LRSAM1: variants seen among roughly 807,000 people sequenced by gnomAD.
LRSAM1 encodes E3 ubiquitin-protein ligase LRSAM1.
LRSAM1 carries 96 observed loss-of-function variants against 118.1 expected under a neutral mutation model. The ratio of observed to expected loss-of-function variants is 0.81; its 90% confidence interval spans 0.69 to 0.96. The LOEUF (loss-of-function observed/expected upper bound fraction) is 0.96, where lower values mean the gene tolerates loss of function less well. Ranked by LOEUF, LRSAM1 falls within the 40% of genes least tolerant of loss-of-function variation. The probability of loss-of-function intolerance (pLI) is 0.00; values close to 1 mark genes in which losing one functional copy is unlikely to be tolerated. For missense variants in LRSAM1, 804 were observed against 915.5 expected, an observed-to-expected ratio of 0.88 and a Z score of 1.57; for synonymous variants, 322 against 364.2, an observed-to-expected ratio of 0.88 and a Z score of 1.32.
intron 12 of LRSAM1, 106 bp downstream of exon 12, chr9:127,479,069 G>A (rs1030048436): frequency 7.8e-7 from 1 of 1,281,352 alleles, no homozygotes; most frequent in Non-Finnish European, 1.1e-6. Flanking sequence ...AGAATTAGAG[G>A]TCACAGTAAT....
intron 10 of LRSAM1, among the ~76,000 whole-genome samples, chr9:127,470,650 T>C (rs1588111441): frequency 6.6e-6 from 1 of 152,198 alleles, no homozygotes; most frequent in East Asian, 1.9e-4. Flanking sequence ...CTAAACTGTT[T>C]TATACTCAAT....
intron 2 of LRSAM1, chr9:127,453,938 G>A (rs977392906): frequency 4.3e-5 from 7 of 164,146 alleles, no homozygotes; most frequent in Non-Finnish European, 9.1e-5. Context: ...GGAACTCCAT[G>A]AAACTAGGAA....
In LRSAM1 at chr9:127,471,472, TAAAA is replaced by T. The variant is rs71380064; in HGVS notation, c.620-2307_620-2304del. Among the ~76,000 whole-genome samples, 72 of 68,040 alleles carry T rather than the reference TAAAA, an allele frequency of 1.1e-3. 1 individual carries two copies. Among genetic ancestry groups the T allele is most frequent in the African/African-American group, 4.1e-3 (70 of 17,020 alleles). The allele number at this position is 68,040 out of a possible 152,430, so 44.6% of individuals were successfully genotyped here. On this transcript the variant is annotated intron_variant, in intron 10 of 25. Transcript: ENST00000300417. ...GGTGACAGAGAGAGACCTTATGTTA[TAAAA>T]AAAAAAAAAAAAAAAAAAAAAGATT...
intron 11 of LRSAM1, among the ~76,000 whole-genome samples, chr9:127,476,020 G>A (rs370239731): frequency 1.3e-5 from 2 of 152,234 alleles, no homozygotes; most frequent in African/African-American, 4.8e-5. Flanking sequence ...GATTACAGGT[G>A]TGAGCCACCA....
At chr9:127,454,877 G>A in intron 3 of LRSAM1, 121 bp from the exon 4 acceptor site, 1 of 1,023,840 alleles carries the variant, frequency 9.8e-7, no homozygotes, top group Non-Finnish European at 1.5e-6. Flanking sequence ...AAATGGACCA[G>A]TGGAACCAGA....
intron 16 of LRSAM1, among the ~76,000 whole-genome samples, chr9:127,484,804 TTTTTTC>T (rs1439481519): frequency 3.7e-5 from 2 of 54,250 alleles, no homozygotes; most frequent in African/African-American, 5.8e-5. Context: ...TGATTTTTCT[TTTTTTC>T]TTTTTTTTTT....
chr9:127,461,328 C>A, intron 8 of LRSAM1, 71 bp downstream of exon 8: 1 of 1,420,000 alleles, frequency 7.0e-7, no homozygotes, highest in Non-Finnish European at 9.9e-7. Context: ...GATCCACAGG[C>A]TGCCCCGCCC....
At position 127,481,337 on chromosome 9, in the gene LRSAM1, C is replaced by T. The variant is rs144116667; in HGVS notation, c.1088+110C>T. 81 of 1,200,710 alleles carry T rather than the reference C, an allele frequency of 6.7e-5. 1 individual carries two copies. In the African/African-American group the frequency reaches 1.1e-3, roughly 16 times the overall value. 74.4% of individuals were successfully genotyped at this position (1,200,710 alleles called of 1,614,324 possible). Reference sequence around the variant, plus strand: ...GCACAATCTCGGCTCAGTGCAACCCCCGCCGCCCAGGTCCAAGCAATTCCC... The same window carrying T: ...GCACAATCTCGGCTCAGTGCAACCCTCGCCGCCCAGGTCCAAGCAATTCCC... On this transcript the variant is annotated intron_variant, in intron 15 of 25. Transcript: ENST00000300417.
At chr9:127,464,437 G>A (rs1275443945) in intron 9 of LRSAM1, among the ~76,000 whole-genome samples, 1 of 151,988 alleles carries the variant, frequency 6.6e-6, no homozygotes, top group East Asian at 1.9e-4. Context: ...TGTCCAGAGC[G>A]GCAGCCGCTG....
chr9:127,475,973 C>G (rs1451961446), intron 11 of LRSAM1, among the ~76,000 whole-genome samples: 2 of 152,286 alleles, frequency 1.3e-5, no homozygotes, highest in Non-Finnish European at 1.5e-5. Flanking sequence ...CTCCTGACCT[C>G]AAGTGATCTG....
chr9:127,453,387 C>T (rs1834395062), intron 2 of LRSAM1: 1 of 151,964 alleles, frequency 6.6e-6, no homozygotes, highest in African/African-American at 2.4e-5. Flanking sequence ...CGGCGTGTTT[C>T]TTCACTTTAA....
chr9:127,489,613 C>A, intron 19 of LRSAM1, 95 bp downstream of exon 19: 1 of 1,350,802 alleles, frequency 7.4e-7, no homozygotes, highest in Non-Finnish European at 1.0e-6. Context: ...AGGTTTGAAC[C>A]CCAGCTCCTT....
At chr9:127,466,232 T>C (rs2253929) in intron 9 of LRSAM1, among the ~76,000 whole-genome samples, 91,800 of 151,230 alleles carry the variant, frequency 0.61, 28,202 homozygotes, top group African/African-American at 0.64. Context: ...TTGCTTGAAC[T>C]GGGGAGGCAA....
At chr9:127,493,643 C>T (rs1043377379) in intron 21 of LRSAM1, among the ~76,000 whole-genome samples, 5 of 152,208 alleles carry the variant, frequency 3.3e-5, no homozygotes, top group East Asian at 3.8e-4. Context: ...TGAGTATTCA[C>T]TCCAGACAGG....
chr9:127,491,149 T>C (rs1163073603), intron 19 of LRSAM1, 66 bp from the exon 20 acceptor site: 3 of 1,354,916 alleles, frequency 2.2e-6, no homozygotes, highest in South Asian at 1.2e-5. Flanking sequence ...CACCAGAGAG[T>C]AGCAGCACAA....
Position 127,462,385 on chromosome 9 carries a change from G to A in LRSAM1, c.528+12G>A, listed in dbSNP as rs769164021. 71 of 1,613,738 alleles carry A rather than the reference G, an allele frequency of 4.4e-5. No individual in the cohort carries two copies. In the South Asian group the frequency reaches 7.2e-4, roughly 16 times the overall value. ...TTCGAACCCTGGAGGTAAATGGGAA[G>A]CTGTTCTTGCCTGGGGTGCTCTCTG... On this transcript the variant is annotated intron_variant, in intron 9 of 25. Transcript: ENST00000300417.
chr9:127,461,023 T>G, intron 7 of LRSAM1, 150 bp from the exon 8 acceptor site: 1 of 514,878 alleles, frequency 1.9e-6, no homozygotes, highest in Non-Finnish European at 3.7e-6. Flanking sequence ...GCCCAGCTAA[T>G]TTTTGTATTT....
chr9:127,458,323 A>G (rs995606551), intron 6 of LRSAM1, among the ~76,000 whole-genome samples: 13 of 151,492 alleles, frequency 8.6e-5, no homozygotes, highest in Non-Finnish European at 1.8e-4. Flanking sequence ...CGGAGCTTGC[A>G]GTGAGCCGAG....
chr9:127,497,400 C>A, intron 24 of LRSAM1, 66 bp downstream of exon 24: 1 of 1,477,220 alleles, frequency 6.8e-7, no homozygotes, highest in Non-Finnish European at 9.4e-7. Context: ...CTGGTGGGGA[C>A]AGTCATTTGC....
Sources: gnomAD v4.1 joint callset for allele counts (sites outside exome capture counted in the v4.1 genomes callset) on GRCh38, gnomAD v4.1.1 for gene constraint, MANE v1.5 for transcripts, NCBI Gene and HGNC (gene_info 2026-07-23, HGNC 2026-07-21) for gene names.